The following SNTG1 variants were observed in gnomAD, a reference collection of about 807,000 sequenced individuals.
The protein encoded by SNTG1 is syntrophin gamma 1.
Under a neutral mutation model 74.7 loss-of-function variants are expected in SNTG1, and 39 were observed. The observed-to-expected ratio is 0.52, with a 90% CI of 0.40 to 0.68. The LOEUF (loss-of-function observed/expected upper bound fraction) is 0.68, where lower values mean the gene tolerates loss of function less well. Ranked by LOEUF, SNTG1 falls within the 30% of genes least tolerant of loss-of-function variation. The pLI, the probability that SNTG1 is intolerant of heterozygous loss-of-function variation, is 0.00. For missense variants in SNTG1, 685 were observed against 609.5 expected (o/e 1.12, Z -1.30); for synonymous variants, 254 against 217.1 (o/e 1.17, Z -1.49).
intron 13 of SNTG1, among the ~76,000 whole-genome samples, chr8:50,652,479 C>T (rs896678285): frequency 1.3e-5 from 2 of 151,878 alleles, no homozygotes; most frequent in African/African-American, 2.4e-5. Flanking sequence ...TAGTTCCATC[C>T]GTTTTTCATT....
At chr8:50,449,830 C>T in intron 6 of SNTG1, 105 bp downstream of exon 6, 1 of 984,130 alleles carries the variant, frequency 1.0e-6, no homozygotes, top group Non-Finnish European at 1.4e-6. Flanking sequence ...TTGACTGGCT[C>T]CAGCTTCCCC....
chr8:50,337,059 T>A (rs892200071), intron 2 of SNTG1, among the ~76,000 whole-genome samples: 2 of 152,242 alleles, frequency 1.3e-5, no homozygotes, highest in African/African-American at 2.4e-5. Flanking sequence ...TCCCCCTGGC[T>A]TTTTTCCCTG....
At chr8:50,744,588 A>T (rs2095551049) in intron 17 of SNTG1, among the ~76,000 whole-genome samples, 1 of 152,016 alleles carries the variant, frequency 6.6e-6, no homozygotes, top group Non-Finnish European at 1.5e-5. Flanking sequence ...GGATCCCCAA[A>T]TACCCAAAAC....
chr8:50,723,415 G>A (rs981483640), intron 17 of SNTG1, among the ~76,000 whole-genome samples: 2 of 152,142 alleles, frequency 1.3e-5, no homozygotes, highest in Non-Finnish European at 2.9e-5. Context: ...CTCGAGAGAA[G>A]ACAGAGACCA....
intron 2 of SNTG1, among the ~76,000 whole-genome samples, chr8:50,302,433 T>A (rs1017605823): frequency 1.3e-5 from 2 of 152,106 alleles, no homozygotes; most frequent in African/African-American, 4.8e-5. Flanking sequence ...TTTTTCATAC[T>A]TCACTCAGAA....
At chr8:50,413,763 G>A (rs1279712330) in intron 4 of SNTG1, among the ~76,000 whole-genome samples, 1 of 151,970 alleles carries the variant, frequency 6.6e-6, no homozygotes, top group East Asian at 1.9e-4. Flanking sequence ...TTTTGAACTT[G>A]TCTGCCCTCT....
At chr8:50,686,454 A>G (rs2095352809) in intron 15 of SNTG1, among the ~76,000 whole-genome samples, 1 of 152,176 alleles carries the variant, frequency 6.6e-6, no homozygotes, top group Non-Finnish European at 1.5e-5. Flanking sequence ...AGAATATGTC[A>G]ATTTATATTA....
chr8:49,932,804 CTAATA>C (rs141928004), intron 1 of SNTG1, among the ~76,000 whole-genome samples: 347 of 152,210 alleles, frequency 2.3e-3, no homozygotes, highest in African/African-American at 8.0e-3. Context: ...TTGGCAACCA[CTAATA>C]TATTTTCCAT....
Position 50,357,382 on chromosome 8 carries a change from C to T in SNTG1, c.-27-36830C>T, listed in dbSNP as rs183253192. ...AGAACAGGTTTACACATTGTTTCTGCGACGTGCTTTACAGTATGGTTTTAT... is the reference window on the plus strand; with the variant it reads ...AGAACAGGTTTACACATTGTTTCTGTGACGTGCTTTACAGTATGGTTTTAT... On this transcript the variant is annotated intron_variant, in intron 2 of 18. Transcript: ENST00000642720. 6.5e-4 allele frequency among the ~76,000 whole-genome samples: 99 copies of T among 152,286 alleles called. 1 individual carries two copies. Among genetic ancestry groups the T allele is most frequent in the Non-Finnish European group, 3.4e-4 (23 of 68,032 alleles).
intron 1 of SNTG1, among the ~76,000 whole-genome samples, chr8:49,949,661 TAAA>T (rs754031960): frequency 6.6e-6 from 1 of 152,228 alleles, no homozygotes; most frequent in Non-Finnish European, 1.5e-5. Flanking sequence ...TTTCTTGTGA[TAAA>T]AGAGACATCT....
intron 1 of SNTG1, among the ~76,000 whole-genome samples, chr8:50,067,002 T>C (rs1163915666): frequency 6.6e-6 from 1 of 152,214 alleles, no homozygotes; most frequent in Non-Finnish European, 1.5e-5. Context: ...TCATTAACCA[T>C]CACTTATTCT....
chr8:50,647,929 T>G (rs2095120720), intron 13 of SNTG1, among the ~76,000 whole-genome samples: 1 of 152,148 alleles, frequency 6.6e-6, no homozygotes, highest in Non-Finnish European at 1.5e-5. Flanking sequence ...ACTGTTTCTT[T>G]AGAATTATTA....
chr8:50,321,128 A>T (rs2090512665), intron 2 of SNTG1, among the ~76,000 whole-genome samples: 1 of 151,992 alleles, frequency 6.6e-6, no homozygotes, highest in African/African-American at 2.4e-5. Flanking sequence ...GTTGAAAGTG[A>T]GGTGTTGAAG....
chr8:50,762,764 A>G, intron 18 of SNTG1: 3 of 475,228 alleles, frequency 6.3e-6, no homozygotes, highest in South Asian at 3.0e-5. Context: ...ACACTTCTGA[A>G]CAAAGATCTT....
Position 50,530,242 on chromosome 8 carries a change from T to C in SNTG1, c.532T>C (p.Tyr178His). The C allele has an allele frequency of 6.2e-7, 1 of 1,613,756 alleles. No individual in the cohort carries two copies. The highest frequency in any genetic ancestry group is 8.5e-7 in the Non-Finnish European group (1 of 1,179,766). ...PLCDSGLHLNYHPNNTDTLSC... is the reference protein window; with the variant it reads ...PLCDSGLHLNHHPNNTDTLSC... The stretch of plus-strand genomic sequence containing the variant: ...CTGTGACAGTGGCTTACATCTCAAC[T>C]ACCATCCCAACAATACAGTAAGATG... The change falls in exon 10 of 19, where the codon TAC becomes CAC. Residue 178 changes from tyrosine to histidine, a missense_variant. Coordinates refer to ENST00000642720, the MANE Select transcript of SNTG1 (RefSeq NM_018967.5).
At chr8:50,457,750 C>T (rs1318750141) in intron 8 of SNTG1, among the ~76,000 whole-genome samples, 4 of 152,040 alleles carry the variant, frequency 2.6e-5, no homozygotes, top group South Asian at 2.1e-4. Flanking sequence ...ACAGCAATCG[C>T]GAATGGGAGT....
intron 2 of SNTG1, among the ~76,000 whole-genome samples, chr8:50,263,918 A>C (rs1379391330): frequency 6.6e-6 from 1 of 152,222 alleles, no homozygotes; most frequent in African/African-American, 2.4e-5. Context: ...TCTGTAGGAC[A>C]AATCATATGC....
chr8:50,646,476 A>G (rs2095109786), intron 13 of SNTG1, among the ~76,000 whole-genome samples: 1 of 152,178 alleles, frequency 6.6e-6, no homozygotes, highest in Admixed American at 6.5e-5. Flanking sequence ...AGCTGAAAAA[A>G]TTTACAGATA....
At position 50,553,036 on chromosome 8, in the gene SNTG1, C is replaced by T. The variant is rs1296726405; in HGVS notation, c.681-14C>T. 1 of 1,613,588 alleles carries T rather than the reference C, an allele frequency of 6.2e-7. No individual in the cohort carries two copies. Among genetic ancestry groups the T allele is most frequent in the Non-Finnish European group, 8.5e-7 (1 of 1,179,668 alleles). ...ACATGAGGTTTTGATCTGATTTGTT[C>T]TGAACATCTGCAGGCAGAATGCCTT... is the stretch of plus-strand genomic sequence containing the variant. On this transcript the variant is annotated splice_polypyrimidine_tract_variant and intron_variant, in intron 11 of 18. Transcript: ENST00000642720.
Sources: gnomAD v4.1 joint callset for allele counts (sites outside exome capture counted in the v4.1 genomes callset) on GRCh38, gnomAD v4.1.1 for gene constraint, MANE v1.5 for transcripts, NCBI Gene and HGNC (gene_info 2026-07-23, HGNC 2026-07-21) for gene names.